The following IARS1 variants were observed in gnomAD, a reference collection of about 807,000 sequenced individuals.
The protein encoded by IARS1 is isoleucyl-tRNA synthetase 1, also known as isoleucine--tRNA ligase, cytoplasmic.
Under a neutral mutation model 168.2 loss-of-function variants are expected in IARS1, and 124 were observed. That is an observed-to-expected ratio of 0.74 (90% CI 0.64 to 0.86). IARS1 has a LOEUF of 0.86. Ranked by LOEUF, IARS1 falls within the 40% of genes least tolerant of loss-of-function variation. The pLI is 0.00. For synonymous variants in IARS1, 532 were observed against 529.4 expected, an observed-to-expected ratio of 1.00 and a Z score of -0.07; for missense variants, 1,452 against 1,515.8, an observed-to-expected ratio of 0.96 and a Z score of 0.70.
chr9:92,232,308 G>A (rs1335254785), intron 30 of IARS1, among the ~76,000 whole-genome samples: 1 of 151,960 alleles, frequency 6.6e-6, no homozygotes, highest in Non-Finnish European at 1.5e-5. Flanking sequence ...AGCATTAATA[G>A]TGGAACATAA....
chr9:92,250,342 T>C (rs1157670221), intron 23 of IARS1, 53 bp from the exon 24 acceptor site: 11 of 1,134,306 alleles, frequency 9.7e-6, no homozygotes, highest in Non-Finnish European at 1.5e-5. Context: ...AGGAGAAAAT[T>C]GAAGGCACTA....
At chr9:92,214,734 C>T (rs974304644) in intron 33 of IARS1, among the ~76,000 whole-genome samples, 20 of 152,310 alleles carry the variant, frequency 1.3e-4, no homozygotes, top group African/African-American at 4.8e-4. Flanking sequence ...AACGGCGCAC[C>T]ACGAGATTAT....
rs1214433598 is a variant in IARS1, at chr9:92,256,742, G to A, written c.2075C>T (p.Thr692Ile). ...CATGAAGGACAGGATCCACCGGTCT[G>A]TAATGTTGGGGCTTTCTCTAACCGT... is the stretch of plus-strand genomic sequence containing the variant. The part of the protein sequence containing the change: ...ENTVRESPNI[T>I]DRWILSFMQS... Residue 692 changes from threonine to isoleucine, a missense_variant, in exon 20 of 34, where the codon ACA becomes ATA. Thr to Ile is a moderately conservative substitution (Grantham distance 89). Coordinates refer to ENST00000443024, the MANE Select transcript of IARS1 (RefSeq NM_002161.6). 1 of 1,613,710 alleles carries A rather than the reference G, an allele frequency of 6.2e-7. No homozygotes were observed. Among genetic ancestry groups the A allele is most frequent in the African/African-American group, 1.3e-5 (1 of 74,926 alleles).
chr9:92,276,148 A>AT (rs1353108441), intron 9 of IARS1, among the ~76,000 whole-genome samples: 4 of 152,244 alleles, frequency 2.6e-5, no homozygotes, highest in African/African-American at 9.6e-5. Context: ...GAATGAAGTA[A>AT]TGACATTTTT....
At chr9:92,278,989 C>T (rs1047684721) in intron 7 of IARS1, among the ~76,000 whole-genome samples, 3 of 152,042 alleles carry the variant, frequency 2.0e-5, no homozygotes, top group African/African-American at 7.2e-5. Flanking sequence ...TGGAGGATAC[C>T]TGGGGCATCC....
chr9:92,259,354 C>CACAAGGAAG (rs1831197023), intron 18 of IARS1, among the ~76,000 whole-genome samples: 1 of 152,174 alleles, frequency 6.6e-6, no homozygotes, highest in Non-Finnish European at 1.5e-5. Context: ...CGGACACGAC[C>CACAAGGAAG]TGCATCTGCT....
chr9:92,211,847 G>T (rs1837816095), intron 33 of IARS1, among the ~76,000 whole-genome samples: 3 of 152,022 alleles, frequency 2.0e-5, no homozygotes, highest in Non-Finnish European at 2.9e-5. Flanking sequence ...GAGAAAGCAA[G>T]AATTTACCAA....
chr9:92,245,913 C>A (rs1451908344), intron 26 of IARS1, among the ~76,000 whole-genome samples: 2 of 152,010 alleles, frequency 1.3e-5, no homozygotes, highest in Non-Finnish European at 2.9e-5. Flanking sequence ...ACTACAGGCG[C>A]CTGCCACCAC....
Position 92,250,860 on chromosome 9 carries a change from T to C in IARS1, c.2308-26A>G, listed in dbSNP as rs758252916. The C allele has an allele frequency of 6.3e-6, 10 of 1,581,950 alleles. No homozygotes were observed. The African/African-American group carries it at 1.2e-4, about 19-fold the overall frequency. The stretch of plus-strand genomic sequence containing the variant: ...CTGTATGAAGACACAGGACATCATG[T>C]CAGTTATATGCAGTCATCAACAACT... On this transcript the variant is annotated intron_variant, in intron 22 of 33. Coordinates refer to ENST00000443024, the MANE Select transcript of IARS1 (RefSeq NM_002161.6).
At chr9:92,279,327 G>C (rs1487375739) in intron 7 of IARS1, among the ~76,000 whole-genome samples, 1 of 152,128 alleles carries the variant, frequency 6.6e-6, no homozygotes, top group Non-Finnish European at 1.5e-5. Flanking sequence ...CAGGTAGATG[G>C]GTGATGTGTT....
intron 5 of IARS1, 103 bp from the exon 6 acceptor site, chr9:92,285,942 T>A: frequency 7.3e-6 from 5 of 682,186 alleles, no homozygotes; most frequent in African/African-American, 3.6e-5. Context: ...GCCAAATAAG[T>A]GAAAAAACAA....
intron 17 of IARS1, among the ~76,000 whole-genome samples, chr9:92,261,699 T>G (rs1327487770): frequency 6.6e-6 from 1 of 151,830 alleles, no homozygotes; most frequent in African/African-American, 2.4e-5. Context: ...ATTTAAGGGA[T>G]CTCTATTATT....
At chr9:92,275,415 A>G (rs563686924) in intron 9 of IARS1, among the ~76,000 whole-genome samples, 3 of 152,356 alleles carry the variant, frequency 2.0e-5, no homozygotes, top group African/African-American at 7.2e-5. Flanking sequence ...TGTTATTTTC[A>G]ATTACATCAC....
chr9:92,234,940 T>C (rs1827263731), intron 30 of IARS1, among the ~76,000 whole-genome samples: 1 of 151,426 alleles, frequency 6.6e-6, no homozygotes, highest in African/African-American at 2.4e-5. Flanking sequence ...GCTTCCCAGG[T>C]TCAAGTGATT....
intron 6 of IARS1, 130 bp downstream of exon 6, chr9:92,285,592 T>C (rs1029075100): frequency 1.2e-5 from 7 of 605,966 alleles, no homozygotes; most frequent in African/African-American, 9.1e-5. Context: ...CAGTAAGAAG[T>C]GGTCAAAGTG....
At chr9:92,292,718 C>T (rs962293061) in intron 1 of IARS1, 2 of 153,418 alleles carry the variant, frequency 1.3e-5, no homozygotes, top group African/African-American at 4.9e-5. Flanking sequence ...CTTCAGGTCA[C>T]CTTAACCTCA....
chr9:92,255,247 T>G (rs558710162), intron 20 of IARS1, among the ~76,000 whole-genome samples: 2 of 152,346 alleles, frequency 1.3e-5, no homozygotes, highest in South Asian at 4.1e-4. Context: ...CAGCGCCTAC[T>G]CCAGGGAGCA....
chr9:92,268,184 T>C lies in IARS1; in HGVS notation c.1421A>G (p.Asp474Gly). 6.3e-7 allele frequency: 1 copy of C among 1,597,466 alleles called. No individual in the cohort carries two copies. The highest frequency in any genetic ancestry group is 8.5e-7 in the Non-Finnish European group (1 of 1,175,204). The part of the protein sequence containing the change: ...GTPIPLWVSD[D>G]FEEVVCIGSV... ...ACTGCCATGCCTCACCTCCTCAAAGTCATCGCTGACCCACAGTGGGATGGG... is the reference window on the plus strand; with the variant it reads ...ACTGCCATGCCTCACCTCCTCAAAGCCATCGCTGACCCACAGTGGGATGGG... The change falls in exon 14 of 34, where the codon GAC becomes GGC. Residue 474 changes from aspartate to glycine, a missense_variant. Physicochemically the swap from Asp to Gly is moderately conservative, Grantham distance 94. Coordinates refer to ENST00000443024, the MANE Select transcript of IARS1 (RefSeq NM_002161.6).
rs777875841 is a variant in IARS1 at position 92,223,347 on chromosome 9, T to G, written c.3552A>C (p.Gln1184His). 6.2e-7 allele frequency: 1 copy of G among 1,611,176 alleles called. No individual in the cohort carries two copies. The highest frequency in any genetic ancestry group is 8.5e-7 in the Non-Finnish European group (1 of 1,178,106). ...INLQLLNAKP[Q>H]ECLMGTVGTL... ...TGCCTGCTGTGGGGAGGCACATACC[T>G]TGTGGCTTTGCATTCAGGAGCTGTA... is the stretch of plus-strand genomic sequence containing the variant. Residue 1184 changes from glutamine (Q) to histidine (H), a missense_variant and splice_region_variant, in exon 32 of 34, where the codon CAA becomes CAC. Coordinates refer to ENST00000443024, the MANE Select transcript of IARS1 (RefSeq NM_002161.6).
Sources: allele counts gnomAD v4.1 joint callset (sites outside exome capture counted in the v4.1 genomes callset), GRCh38; gene constraint gnomAD v4.1.1; transcripts MANE v1.5; gene names NCBI Gene and HGNC (gene_info 2026-07-23, HGNC 2026-07-21).